SKP1: variants seen among roughly 807,000 people sequenced by gnomAD.
SKP1 encodes S-phase kinase associated protein 1, also known as S-phase kinase-associated protein 1.
Under a neutral mutation model 21.5 loss-of-function variants are expected in SKP1, and 1 was observed. That is an observed-to-expected ratio of 0.05 (90% CI 0.02 to 0.22). The LOEUF (loss-of-function observed/expected upper bound fraction) is 0.22, where lower values mean the gene tolerates loss of function less well. Among genes scored for constraint, SKP1 ranks in the 10% least tolerant of loss-of-function variants. SKP1 has a pLI of 1.00. For missense variants in SKP1, 70 were observed against 192.0 expected (o/e 0.36, Z 3.76); for synonymous variants, 59 against 59.3 (o/e 0.99, Z 0.03).
At chr5:134,175,950 G>A (rs982126552) in intron 1 of SKP1, among the ~76,000 whole-genome samples, 37 of 151,968 alleles carry the variant, frequency 2.4e-4, no homozygotes, top group African/African-American at 8.5e-4. Context: ...AAACCCCTGC[G>A]CTTTAAGTGA....
chr5:134,167,830 A>C (rs904486511), intron 2 of SKP1, among the ~76,000 whole-genome samples: 3 of 152,122 alleles, frequency 2.0e-5, no homozygotes, highest in Non-Finnish European at 4.4e-5. Flanking sequence ...AGCCATCTAG[A>C]GAGGATTTTA....
chr5:134,173,775 G>C (rs1465200574), intron 2 of SKP1, 151 bp downstream of exon 2: 25 of 702,936 alleles, frequency 3.6e-5, no homozygotes, highest in Non-Finnish European at 6.4e-5. Flanking sequence ...ACCTGTATCA[G>C]AAAAATGTAA....
rs543013521 is a variant in SKP1 at position 134,153,894 on chromosome 5, T to A, written c.*3839A>T. 3 of 152,304 alleles carry A rather than the reference T, an allele frequency of 2.0e-5. No individual in the cohort carries two copies. Among genetic ancestry groups the A allele is most frequent in the African/African-American group, 7.2e-5 (3 of 41,580 alleles). 9.4% of individuals were successfully genotyped at this position (152,304 alleles called of 1,614,324 possible). ...TTTTAAGATAAGCTCAGCATTACTA[T>A]GATGTCATGTTACAAGGCTGCAGTT... On this transcript the variant is annotated 3_prime_UTR_variant, in exon 6 of 6. Transcript: ENST00000353411.
chr5:134,165,248 A>G (rs1269391583), intron 3 of SKP1, among the ~76,000 whole-genome samples: 1 of 152,218 alleles, frequency 6.6e-6, no homozygotes, highest in Non-Finnish European at 1.5e-5. Context: ...TGTATATTTT[A>G]TCACTATTTT....
rs867215079 is a variant in SKP1, at chr5:134,150,381, G to T, written c.*7352C>A. 4.3e-4 allele frequency: 66 copies of T among 152,234 alleles called. No individual in the cohort carries two copies. The highest frequency in any genetic ancestry group is 1.5e-3 in the African/African-American group (61 of 41,452). 9.4% of individuals were successfully genotyped at this position (152,234 alleles called of 1,614,324 possible). A position where few individuals can be genotyped will look rare whatever the true frequency, so the allele number is the denominator to read the frequency against. On this transcript the variant is annotated 3_prime_UTR_variant, in exon 6 of 6. Coordinates refer to ENST00000353411, the MANE Select transcript of SKP1 (RefSeq NM_170679.3). ...CCAGGAAGGCCACAAGTAAAGGGAAGCGGAAGGGTTCTTTATATCCTGTTC... is the reference window on the plus strand; with the variant it reads ...CCAGGAAGGCCACAAGTAAAGGGAATCGGAAGGGTTCTTTATATCCTGTTC...
rs143821478 is a variant in SKP1, at chr5:134,173,838, T to C, written c.97+88A>G. The C allele has an allele frequency of 3.5e-4, 281 of 809,954 alleles. 1 individual carries two copies. The African/African-American group carries it at 4.2e-3, about 12-fold the overall frequency. 50.2% of individuals were successfully genotyped at this position (809,954 alleles called of 1,614,324 possible). On this transcript the variant is annotated intron_variant, in intron 2 of 5. Coordinates refer to ENST00000353411, the MANE Select transcript of SKP1 (RefSeq NM_170679.3). ...CCTCTTCATACTCTCAAGCACCTTA[T>C]GACAGGCTGCTGCTCATATAAATTT...
At chr5:134,168,177 C>T (rs1761369453) in intron 2 of SKP1, among the ~76,000 whole-genome samples, 2 of 152,158 alleles carry the variant, frequency 1.3e-5, no homozygotes, top group African/African-American at 4.8e-5. Context: ...GTAAGTTGGG[C>T]TTGAATGACT....
At chr5:134,167,306 C>A in intron 2 of SKP1, 63 bp from the exon 3 acceptor site, 3 of 1,049,378 alleles carry the variant, frequency 2.9e-6, no homozygotes, top group Non-Finnish European at 4.5e-6. Context: ...ACCAACCAGG[C>A]TATGTCTCAA....
rs1484390810 is a variant in SKP1, at chr5:134,153,559, G to C, written c.*4174C>G. The C allele has an allele frequency of 6.6e-6, 1 of 152,160 alleles. No homozygotes were observed. Among genetic ancestry groups the C allele is most frequent in the Non-Finnish European group, 1.5e-5 (1 of 68,030 alleles). 9.4% of individuals were successfully genotyped at this position (152,160 alleles called of 1,614,324 possible). A position where few individuals can be genotyped will look rare whatever the true frequency, so the allele number is the denominator to read the frequency against. On this transcript the variant is annotated 3_prime_UTR_variant, in exon 6 of 6. Transcript: ENST00000353411. ...GGGTAGTCCTGCTCTGCAAGGAGCA[G>C]TTAAAAAAAATCTTCAAAAGCTAAT...
intron 3 of SKP1, 176 bp from the exon 4 acceptor site, chr5:134,161,306 G>A (rs1372655786): frequency 1.7e-5 from 9 of 516,316 alleles, no homozygotes; most frequent in African/African-American, 3.8e-5. Flanking sequence ...ACCCTAGAAG[G>A]GAGAAGATCT....
intron 2 of SKP1, 108 bp from the exon 3 acceptor site, chr5:134,167,351 A>G (rs1761351208): frequency 2.8e-6 from 2 of 716,814 alleles, no homozygotes; most frequent in African/African-American, 1.8e-5. Context: ...CATGAGTTCT[A>G]CATCTGTGGA....
At chr5:134,171,865 A>T (rs143883217) in intron 2 of SKP1, among the ~76,000 whole-genome samples, 8,804 of 152,182 alleles carry the variant, frequency 0.058, 343 homozygotes, top group Middle Eastern at 0.12. Context: ...ACCAACATGG[A>T]GAAACCTCGT....
rs561604590 is a variant in SKP1 at position 134,156,879 on chromosome 5, T to G, written c.*854A>C. On this transcript the variant is annotated 3_prime_UTR_variant, in exon 6 of 6. Transcript: ENST00000353411. ...CAAAAGCAAACTTAACTACCTACTA[T>G]ATAACTTACTTTTTATTGAAAGTAT... is the stretch of plus-strand genomic sequence containing the variant. 2.6e-5 allele frequency: 4 copies of G among 152,682 alleles called. No individual in the cohort carries two copies. Among genetic ancestry groups the G allele is most frequent in the African/African-American group, 9.6e-5 (4 of 41,470 alleles). The allele number at this position is 152,682 out of a possible 1,614,324, so 9.5% of individuals were successfully genotyped here.
intron 3 of SKP1, among the ~76,000 whole-genome samples, chr5:134,165,788 A>G (rs1445859630): frequency 1.3e-5 from 2 of 152,046 alleles, no homozygotes; most frequent in Non-Finnish European, 2.9e-5. Context: ...TGGGAGGCTG[A>G]GGCAGGAGAA....
chr5:134,159,111 G>A (rs767651623), intron 4 of SKP1, among the ~76,000 whole-genome samples: 4 of 152,078 alleles, frequency 2.6e-5, no homozygotes, highest in Non-Finnish European at 4.4e-5. Flanking sequence ...TTAGATCACC[G>A]ATTTGAAACT....
chr5:134,156,864 CTT>C lies in SKP1; in HGVS notation c.*867_*868del, dbSNP rs1761128914. 6.6e-6 allele frequency: 1 copy of C among 152,642 alleles called. No homozygotes were observed. Among genetic ancestry groups the C allele is most frequent in the Non-Finnish European group, 1.5e-5 (1 of 68,034 alleles). 9.5% of individuals were successfully genotyped at this position (152,642 alleles called of 1,614,324 possible). On this transcript the variant is annotated 3_prime_UTR_variant, in exon 6 of 6. Transcript: ENST00000353411. ...ACACATTTAAGTCCACAAAAGCAAA[CTT>C]AACTACCTACTATATAACTTACTTT...
At chr5:134,173,012 CAAAAA>C (rs199935510) in intron 2 of SKP1, among the ~76,000 whole-genome samples, 2 of 94,754 alleles carry the variant, frequency 2.1e-5, no homozygotes, top group Non-Finnish European at 2.2e-5. Context: ...GACTCCGTCT[CAAAAA>C]AAAAAAAAAA....
At position 134,149,155 on chromosome 5, in the gene SKP1, T is replaced by C. The variant is rs1350426633; in HGVS notation, c.*8578A>G. The C allele has an allele frequency of 6.6e-6, 1 of 152,240 alleles. No homozygotes were observed. The highest frequency in any genetic ancestry group is 1.5e-5 in the Non-Finnish European group (1 of 68,062). 9.4% of individuals were successfully genotyped at this position (152,240 alleles called of 1,614,324 possible). On this transcript the variant is annotated 3_prime_UTR_variant, in exon 6 of 6. Coordinates refer to ENST00000353411, the MANE Select transcript of SKP1 (RefSeq NM_170679.3). The stretch of plus-strand genomic sequence containing the variant: ...GAGGTCCGGGCTTTTAGTGTGCCTC[T>C]CACCCAAACAGTGTACTGTGCACGT...
At chr5:134,159,737 C>T (rs575691312) in intron 4 of SKP1, among the ~76,000 whole-genome samples, 5 of 152,026 alleles carry the variant, frequency 3.3e-5, no homozygotes, top group South Asian at 2.1e-4. Context: ...TCAGTAGAGA[C>T]GGGGTTTCAC....
Sources: gnomAD v4.1 joint callset for allele counts (sites outside exome capture counted in the v4.1 genomes callset) on GRCh38, gnomAD v4.1.1 for gene constraint, MANE v1.5 for transcripts, NCBI Gene and HGNC (gene_info 2026-07-23, HGNC 2026-07-21) for gene names.